Variants in SLC25A20 observed in about 807,000 individuals in gnomAD.
SLC25A20 encodes solute carrier family 25 member 20.
A neutral mutation model predicts 39.7 loss-of-function variants in SLC25A20; 29 were observed. The ratio of observed to expected loss-of-function variants is 0.73; its 90% CI spans 0.54 to 1.00. SLC25A20 has a LOEUF of 1.00. SLC25A20 is among the 50% of genes least tolerant of loss of function. SLC25A20 has a pLI of 0.00. For missense variants in SLC25A20, 333 were observed against 379.9 expected, an observed-to-expected ratio of 0.88 and a Z score of 1.03; for synonymous variants, 103 against 142.2, an observed-to-expected ratio of 0.72 and a Z score of 1.96.
At chr3:48,858,157 G>A (rs368720000) in intron 8 of SLC25A20, among the ~76,000 whole-genome samples, 9 of 151,742 alleles carry the variant, frequency 5.9e-5, no homozygotes, top group East Asian at 1.9e-4. Context: ...TAGTAGAGGC[G>A]GTGTTTCCCC....
chr3:48,884,724 T>C (rs150544003), intron 2 of SLC25A20, among the ~76,000 whole-genome samples: 118 of 152,192 alleles, frequency 7.8e-4, no homozygotes, highest in Non-Finnish European at 1.4e-3. Flanking sequence ...AAGGAATTTA[T>C]TCTAGGGAAA....
intron 4 of SLC25A20, among the ~76,000 whole-genome samples, chr3:48,873,142 T>G (rs138077107): frequency 5.9e-4 from 89 of 151,926 alleles, no homozygotes; most frequent in African/African-American, 2.0e-3. Flanking sequence ...GAGAATCGCT[T>G]GAATCTGGGA....
intron 3 of SLC25A20, among the ~76,000 whole-genome samples, chr3:48,882,178 C>T (rs779681659): frequency 6.6e-6 from 1 of 152,216 alleles, no homozygotes; most frequent in Non-Finnish European, 1.5e-5. Context: ...CTCAGAATTT[C>T]CCTGCCTCCT....
At chr3:48,875,453 A>G (rs2083748834) in intron 4 of SLC25A20, among the ~76,000 whole-genome samples, 1 of 151,964 alleles carries the variant, frequency 6.6e-6, no homozygotes, top group Admixed American at 6.6e-5. Context: ...TTTGTCACCC[A>G]GGCTAGAGTG....
chr3:48,888,525 C>A (rs1038926429), intron 2 of SLC25A20, among the ~76,000 whole-genome samples: 2 of 150,066 alleles, frequency 1.3e-5, no homozygotes, highest in African/African-American at 2.5e-5. Flanking sequence ...ACCGAGATTG[C>A]GCCACTGCAC....
intron 5 of SLC25A20, among the ~76,000 whole-genome samples, chr3:48,861,774 C>G (rs1488913953): frequency 6.6e-6 from 1 of 151,926 alleles, no homozygotes; most frequent in Non-Finnish European, 1.5e-5. Flanking sequence ...CACCAGTAAT[C>G]CCGGCACCTT....
chr3:48,898,806 C>T lies in SLC25A20; in HGVS notation c.-12G>A, dbSNP rs542582794. On this transcript the variant is annotated 5_prime_UTR_variant, in exon 1 of 9. Coordinates refer to ENST00000319017, the MANE Select transcript of SLC25A20 (RefSeq NM_000387.6). Reference sequence around the variant, plus strand: ...GGCTGGTCGGCCATGGTCAGTCCGTCTGTCACTCCGTCTGTCAGTTCTCGG... The same window carrying T: ...GGCTGGTCGGCCATGGTCAGTCCGTTTGTCACTCCGTCTGTCAGTTCTCGG... 2.3e-4 allele frequency: 365 copies of T among 1,556,218 alleles called. 2 individuals are homozygous for T. In the South Asian group the frequency reaches 4.2e-3, roughly 18 times the overall value.
intron 7 of SLC25A20, 71 bp downstream of exon 7, chr3:48,859,021 C>A: frequency 8.0e-7 from 1 of 1,256,366 alleles, no homozygotes; most frequent in Non-Finnish European, 1.2e-6. Context: ...GCCTTATGAG[C>A]TTTGCACCCC....
chr3:48,889,405 A>AT (rs1181177213), intron 2 of SLC25A20, among the ~76,000 whole-genome samples: 2 of 151,284 alleles, frequency 1.3e-5, no homozygotes, highest in African/African-American at 4.8e-5. Flanking sequence ...ATATATATAT[A>AT]ATAATAATAA....
chr3:48,861,848 G>T (rs1396374468), intron 5 of SLC25A20, among the ~76,000 whole-genome samples: 1 of 152,022 alleles, frequency 6.6e-6, no homozygotes, highest in East Asian at 1.9e-4. Context: ...CCAACATGGT[G>T]AAACCCCATC....
intron 6 of SLC25A20, among the ~76,000 whole-genome samples, 160 bp from the exon 7 acceptor site, chr3:48,859,361 A>T (rs1270417649): frequency 6.6e-6 from 1 of 152,222 alleles, no homozygotes; most frequent in Non-Finnish European, 1.5e-5. Flanking sequence ...AGAAGGTTTC[A>T]TGCACCTGTT....
At chr3:48,868,068 A>AAAAAG (rs774416402) in intron 4 of SLC25A20, among the ~76,000 whole-genome samples, 42 of 151,666 alleles carry the variant, frequency 2.8e-4, no homozygotes, top group Non-Finnish European at 3.7e-4. Context: ...ATCTAAAAAA[A>AAAAAG]AAAAGAAAAG....
chr3:48,877,092 T>A (rs900948309), intron 4 of SLC25A20, among the ~76,000 whole-genome samples: 1 of 149,812 alleles, frequency 6.7e-6, no homozygotes, highest in Non-Finnish European at 1.5e-5. Context: ...TGAGACCCTG[T>A]CTCAAAAAAA....
intron 2 of SLC25A20, among the ~76,000 whole-genome samples, chr3:48,888,868 T>G (rs893474431): frequency 1.1e-4 from 16 of 151,808 alleles, no homozygotes; most frequent in African/African-American, 3.9e-4. Flanking sequence ...GGGTGGATCA[T>G]GAGGTCAGGA....
chr3:48,886,865 T>TAG (rs2083833376), intron 2 of SLC25A20, among the ~76,000 whole-genome samples: 1 of 152,158 alleles, frequency 6.6e-6, no homozygotes, highest in Non-Finnish European at 1.5e-5. Flanking sequence ...TTTCTCCTTA[T>TAG]AGAGAGTAGC....
In SLC25A20 at chr3:48,858,526, C is replaced by T. The variant is rs376342597; in HGVS notation, c.824G>A (p.Arg275Gln). ...LYKGFNAVMI[R>Q]AFPANAACFL... ...ACTCACCGCATTGGCTGGGAAGGCT[C>T]GGATCATCACTGCATTGAACCCTTT... The change falls in exon 8 of 9, where the codon CGA (arginine) becomes CAA (glutamine). Residue 275 changes from arginine (R) to glutamine (Q), a missense_variant. Arg to Gln is a conservative substitution (Grantham distance 43). Coordinates refer to ENST00000319017, the MANE Select transcript of SLC25A20 (RefSeq NM_000387.6). 6.8e-6 allele frequency: 11 copies of T among 1,614,068 alleles called. No homozygotes were observed. Among genetic ancestry groups the T allele is most frequent in the East Asian group, 4.5e-5 (2 of 44,900 alleles).
At chr3:48,863,254 G>A (rs1376181163) in intron 4 of SLC25A20, among the ~76,000 whole-genome samples, 1 of 152,142 alleles carries the variant, frequency 6.6e-6, no homozygotes, top group Non-Finnish European at 1.5e-5. Context: ...TATTTGGAAG[G>A]TCTAAAAAGG....
At chr3:48,895,818 A>C (rs1169929712) in intron 1 of SLC25A20, 3 of 456,366 alleles carry the variant, frequency 6.6e-6, no homozygotes, top group African/African-American at 6.0e-5. Context: ...AACCTCCCCT[A>C]GTTAGTAGAG....
At chr3:48,870,964 T>C (rs1042090537) in intron 4 of SLC25A20, among the ~76,000 whole-genome samples, 8 of 151,770 alleles carry the variant, frequency 5.3e-5, no homozygotes, top group African/African-American at 1.9e-4. Flanking sequence ...TAGCTGGGAT[T>C]ACAGGCCTGC....
Sources: allele counts gnomAD v4.1 joint callset (sites outside exome capture counted in the v4.1 genomes callset), GRCh38; gene constraint gnomAD v4.1.1; transcripts MANE v1.5; gene names NCBI Gene and HGNC (gene_info 2026-07-23, HGNC 2026-07-21).